Variants in STX17 observed in about 807,000 individuals in gnomAD.
STX17 encodes syntaxin-17.
Under a neutral mutation model 35.9 loss-of-function variants are expected in STX17, and 29 were observed. The ratio of observed to expected loss-of-function variants is 0.81; its 90% CI spans 0.60 to 1.10. STX17 has a LOEUF of 1.10. STX17 is among the 50% of genes least tolerant of loss of function. The pLI, the probability that STX17 is intolerant of heterozygous loss-of-function variation, is 0.00. For missense variants in STX17, 312 were observed against 352.3 expected (o/e 0.89, Z 0.92); for synonymous variants, 92 against 118.3 (o/e 0.78, Z 1.44).
At chr9:99,912,006 C>T (rs1414397165) in intron 1 of STX17, among the ~76,000 whole-genome samples, 1 of 152,186 alleles carries the variant, frequency 6.6e-6, no homozygotes, top group African/African-American at 2.4e-5. Flanking sequence ...GCAGGTGGAT[C>T]ACCTGAGGTC....
chr9:99,933,610 T>C (rs1290193145), intron 3 of STX17, among the ~76,000 whole-genome samples: 1 of 152,106 alleles, frequency 6.6e-6, no homozygotes, highest in Non-Finnish European at 1.5e-5. Flanking sequence ...TGCGTACAGG[T>C]TGTGGTACAT....
intron 3 of STX17, chr9:99,938,058 G>T (rs1270104166): frequency 2.0e-5 from 3 of 152,280 alleles, no homozygotes; most frequent in Non-Finnish European, 4.4e-5. Flanking sequence ...GTGGCAACAG[G>T]CAGTGTCTCC....
chr9:99,960,943 T>C (rs760702330), intron 6 of STX17, among the ~76,000 whole-genome samples: 1 of 152,184 alleles, frequency 6.6e-6, no homozygotes, highest in Non-Finnish European at 1.5e-5. Flanking sequence ...AGACAGTATT[T>C]GTATGAGCCT....
chr9:99,923,669 T>A (rs750714830), intron 2 of STX17, among the ~76,000 whole-genome samples: 1 of 151,912 alleles, frequency 6.6e-6, no homozygotes, highest in South Asian at 2.1e-4. Context: ...AGTTTGAGAG[T>A]CAAGTCCCAC....
rs562797652 is a variant in STX17 at position 99,908,039 on chromosome 9, A to C, written c.-63+1333A>C. On this transcript the variant is annotated intron_variant, in intron 1 of 7. Transcript: ENST00000259400. The stretch of plus-strand genomic sequence containing the variant: ...CAGTTATTTTGTAGAGTGCCCCTCA[A>C]ATGGGGTTTGTCCAGTGTTCTCTCA... Among the ~76,000 whole-genome samples the C allele has an allele frequency of 2.0e-5, 3 of 152,288 alleles. 1 individual carries two copies. In the South Asian group the frequency reaches 6.2e-4, roughly 32 times the overall value.
chr9:99,916,678 C>G (rs1378662848), intron 2 of STX17, among the ~76,000 whole-genome samples: 2 of 152,070 alleles, frequency 1.3e-5, no homozygotes, highest in East Asian at 3.8e-4. Context: ...TATTTGAAGT[C>G]TTTCTAGAAT....
intron 3 of STX17, among the ~76,000 whole-genome samples, chr9:99,939,701 A>G (rs1362364777): frequency 1.3e-5 from 2 of 152,128 alleles, no homozygotes; most frequent in Admixed American, 6.5e-5. Flanking sequence ...TTTTTCAGAG[A>G]CAGCACAAGT....
intron 6 of STX17, among the ~76,000 whole-genome samples, chr9:99,963,457 A>G (rs1288894624): frequency 6.6e-6 from 1 of 152,172 alleles, no homozygotes; most frequent in African/African-American, 2.4e-5. Context: ...ACTGGTTGCA[A>G]TGGATTAGAT....
At chr9:99,957,866 T>C (rs1829744141) in intron 4 of STX17, among the ~76,000 whole-genome samples, 1 of 152,074 alleles carries the variant, frequency 6.6e-6, no homozygotes, top group Admixed American at 6.6e-5. Flanking sequence ...TTGCCCAGGC[T>C]GATCTCGAAC....
At chr9:99,935,912 G>A (rs368980607) in intron 3 of STX17, among the ~76,000 whole-genome samples, 7 of 152,264 alleles carry the variant, frequency 4.6e-5, no homozygotes, top group African/African-American at 1.7e-4. Flanking sequence ...TGTGGCTAGT[G>A]TGAGCAAGGA....
chr9:99,968,525 A>G lies in STX17; in HGVS notation c.761A>G (p.Lys254Arg), dbSNP rs773239378. 1.2e-6 allele frequency: 2 copies of G among 1,613,586 alleles called. No homozygotes were observed. Among genetic ancestry groups the G allele is most frequent in the East Asian group, 2.2e-5 (1 of 44,874 alleles). Reference protein sequence around the residue: ...GGPIGLLAGFKVAGIAAALGG... With the variant: ...GGPIGLLAGFRVAGIAAALGG... ...CCTATTGGCCTCCTTGCAGGCTTCA[A>G]AGTGGCAGGAATTGCAGCTGCACTT... Residue 254 changes from lysine to arginine, a missense_variant, in exon 8 of 8, where the codon AAA becomes AGA. Transcript: ENST00000259400.
chr9:99,907,453 A>C (rs916585886), intron 1 of STX17: 1 of 151,932 alleles, frequency 6.6e-6, no homozygotes, highest in Non-Finnish European at 1.5e-5. Flanking sequence ...CTTATTAATA[A>C]CCTCCTAAGT....
At chr9:99,909,999 G>A (rs776512641) in intron 1 of STX17, among the ~76,000 whole-genome samples, 3 of 152,102 alleles carry the variant, frequency 2.0e-5, no homozygotes, top group South Asian at 2.1e-4. Context: ...TTGGGAGGCC[G>A]AGGCAGGTGG....
chr9:99,964,608 C>T (rs1316559993), intron 6 of STX17, among the ~76,000 whole-genome samples: 1 of 152,026 alleles, frequency 6.6e-6, no homozygotes, highest in Non-Finnish European at 1.5e-5. Flanking sequence ...TGAAAATAAA[C>T]ATGAGCAAAT....
At chr9:99,958,039 C>A (rs904432613) in intron 4 of STX17, among the ~76,000 whole-genome samples, 2 of 152,114 alleles carry the variant, frequency 1.3e-5, no homozygotes, top group African/African-American at 4.8e-5. Context: ...ACATATTGAT[C>A]TTTTGTGAAA....
chr9:99,951,581 A>G (rs1339458819), intron 4 of STX17, among the ~76,000 whole-genome samples: 1 of 152,056 alleles, frequency 6.6e-6, no homozygotes, highest in Admixed American at 6.6e-5. Context: ...CTTGTCTGCA[A>G]AGTACTCTTT....
chr9:99,951,103 A>G lies in STX17; in HGVS notation c.233A>G (p.Lys78Arg). ...CGAGAAATTGAGAAACTTTGTTTGA[A>G]AGTCCGAAAGGATGACCTAGTACTT... ...NIREIEKLCL[K>R]VRKDDLVLLK... The change falls in exon 4 of 8, where the codon AAA becomes AGA. Residue 78 changes from lysine (K) to arginine (R), a missense_variant. Transcript: ENST00000259400. The G allele has an allele frequency of 6.2e-7, 1 of 1,611,116 alleles. No homozygotes were observed. The highest frequency in any genetic ancestry group is 2.2e-5 in the East Asian group (1 of 44,838).
chr9:99,937,470 G>A (rs1286019693), intron 3 of STX17, among the ~76,000 whole-genome samples: 3 of 151,986 alleles, frequency 2.0e-5, no homozygotes, highest in African/African-American at 7.2e-5. Flanking sequence ...TTTTATTTTG[G>A]ATAGTGTCTA....
At chr9:99,920,127 G>A (rs1399557178) in intron 2 of STX17, among the ~76,000 whole-genome samples, 1 of 152,176 alleles carries the variant, frequency 6.6e-6, no homozygotes, top group Non-Finnish European at 1.5e-5. Context: ...CACAGGTGGT[G>A]AATGATAATG....
Sources: allele counts gnomAD v4.1 joint callset (sites outside exome capture counted in the v4.1 genomes callset), GRCh38; gene constraint gnomAD v4.1.1; transcripts MANE v1.5; gene names NCBI Gene and HGNC (gene_info 2026-07-23, HGNC 2026-07-21).